Variants in TM9SF4 observed in about 807,000 individuals in gnomAD.
The protein encoded by TM9SF4 is transmembrane 9 superfamily member 4.
Under a neutral mutation model 90.4 loss-of-function variants are expected in TM9SF4, and 26 were observed. The observed-to-expected ratio is 0.29, with a 90% CI of 0.21 to 0.40. The LOEUF (loss-of-function observed/expected upper bound fraction) is 0.40. Ranked by LOEUF, TM9SF4 falls within the 10% of genes least tolerant of loss-of-function variation. The pLI is 1.00. For synonymous variants in TM9SF4, 293 were observed against 315.4 expected (o/e 0.93, Z 0.75); for missense variants, 549 against 834.8 (o/e 0.66, Z 4.22).
At chr20:32,145,011 C>T in intron 6 of TM9SF4, 80 bp from the exon 7 acceptor site, 1 of 1,403,858 alleles carries the variant, frequency 7.1e-7, no homozygotes, top group Non-Finnish European at 1.0e-6. Flanking sequence ...GACAGGCAGC[C>T]TTGAGGGCAG....
At chr20:32,155,967 C>T (rs1356415848) in intron 13 of TM9SF4, among the ~76,000 whole-genome samples, 2 of 152,186 alleles carry the variant, frequency 1.3e-5, no homozygotes, top group Admixed American at 6.5e-5. Context: ...TCCCTTTGAG[C>T]ATTTTCCTCC....
rs954263891 is a variant in TM9SF4, at chr20:32,145,152, A to G, written c.714A>G (p.Gln238=). 5.0e-6 allele frequency: 8 copies of G among 1,614,028 alleles called. No individual in the cohort carries two copies. In the East Asian group the frequency reaches 1.8e-4, roughly 36 times the overall value. Residue 238 remains glutamine, a synonymous_variant, in exon 7 of 18, where the codon CAA becomes CAG. Coordinates refer to ENST00000398022, the MANE Select transcript of TM9SF4 (RefSeq NM_014742.4). The part of the protein sequence containing the change: ...TLPEGTNSSP[Q]EIDPTKENQL... ...CTGAGGGTACCAACTCCTCGCCCCA[A>G]GAAATTGACCCCACCAAGGAGAATC...
Position 32,158,108 on chromosome 20 carries a change from C to T in TM9SF4, c.1505+139C>T, listed in dbSNP as rs17122969. Reference sequence around the variant, plus strand: ...AGTTTATGAAAGCTTAACTTCACTCCAAGATCAAGGTGACCAGGTTGTAGG... The same window carrying T: ...AGTTTATGAAAGCTTAACTTCACTCTAAGATCAAGGTGACCAGGTTGTAGG... On this transcript the variant is annotated intron_variant, in intron 14 of 17. Transcript: ENST00000398022. 3,923 of 1,223,492 alleles carry T rather than the reference C, an allele frequency of 3.2e-3. 104 individuals carry two copies. The African/African-American group carries it at 0.054, about 17-fold the overall frequency. 75.8% of individuals were successfully genotyped at this position (1,223,492 alleles called of 1,614,324 possible).
intron 12 of TM9SF4, among the ~76,000 whole-genome samples, chr20:32,152,592 A>G (rs531367368): frequency 6.6e-6 from 1 of 151,720 alleles, no homozygotes; most frequent in Non-Finnish European, 1.5e-5. Context: ...TGGTCTCCCT[A>G]CAAGATTCTG....
intron 10 of TM9SF4, 77 bp from the exon 11 acceptor site, chr20:32,150,545 G>A: frequency 6.3e-7 from 1 of 1,575,502 alleles, no homozygotes; most frequent in Non-Finnish European, 8.7e-7. Context: ...GTGGGCCTGG[G>A]GCTGGGGCTG....
Position 32,149,623 on chromosome 20 carries a change from C to T in TM9SF4, c.955-11C>T, listed in dbSNP as rs755578551. The T allele has an allele frequency of 6.8e-6, 11 of 1,614,212 alleles. No homozygotes were observed. In the South Asian group the frequency reaches 1.2e-4, roughly 18 times the overall value. Reference sequence around the variant, plus strand: ...TTCAACAACCAGCCTCACTCTGGCCCTTCGCTGCAGGAAGACACCATGGAG... The same window carrying T: ...TTCAACAACCAGCCTCACTCTGGCCTTTCGCTGCAGGAAGACACCATGGAG... On this transcript the variant is annotated splice_polypyrimidine_tract_variant and intron_variant, in intron 9 of 17. Transcript: ENST00000398022.
rs1209730888 is a variant in TM9SF4, at chr20:32,165,469, G to A, written c.*25G>A. On this transcript the variant is annotated 3_prime_UTR_variant, in exon 18 of 18. Transcript: ENST00000398022. ...ATTGGAGTGGACCACGGCCAAGCTT[G>A]CTCCGTCCTCGGACAGGAAGCCACC... The A allele has an allele frequency of 6.2e-7, 1 of 1,611,326 alleles. No homozygotes were observed. Among genetic ancestry groups the A allele is most frequent in the Admixed American group, 1.7e-5 (1 of 59,952 alleles).
In TM9SF4 at chr20:32,159,781, C is replaced by A; in HGVS notation, c.1570-211C>A. On this transcript the variant is annotated intron_variant, in intron 15 of 17. Transcript: ENST00000398022. ...TGCTGAGTTCAGGCTGGGGTCTACC[C>A]AGAGCAGGTCAGTCAACCCCTGGCC... is the stretch of plus-strand genomic sequence containing the variant. 8.2e-6 allele frequency: 5 copies of A among 612,762 alleles called. No individual in the cohort carries two copies. In the South Asian group the frequency reaches 9.9e-5, roughly 12 times the overall value. 38.0% of individuals were successfully genotyped at this position (612,762 alleles called of 1,614,324 possible).
intron 16 of TM9SF4, 199 bp from the exon 17 acceptor site, chr20:32,161,077 C>A (rs1432119506): frequency 7.7e-6 from 4 of 522,028 alleles, no homozygotes; most frequent in Non-Finnish European, 1.4e-5. Context: ...TAAAGTTCAC[C>A]CTTCTTTGTC....
intron 17 of TM9SF4, among the ~76,000 whole-genome samples, chr20:32,162,032 G>A (rs958532323): frequency 1.3e-5 from 2 of 152,196 alleles, no homozygotes; most frequent in African/African-American, 2.4e-5. Context: ...AGAGAGAGAC[G>A]TGGGCAAGAA....
intron 15 of TM9SF4, among the ~76,000 whole-genome samples, chr20:32,158,958 G>A (rs1346961645): frequency 6.6e-6 from 1 of 150,866 alleles, no homozygotes; most frequent in Non-Finnish European, 1.5e-5. Flanking sequence ...CTCCAGCCTG[G>A]GTGACAGAGA....
intron 13 of TM9SF4, among the ~76,000 whole-genome samples, chr20:32,155,543 C>T (rs575002745): frequency 1.3e-5 from 2 of 152,340 alleles, no homozygotes; most frequent in South Asian, 4.1e-4. Context: ...AGCCTGTCCT[C>T]CTCAGTGTCC....
intron 3 of TM9SF4, among the ~76,000 whole-genome samples, chr20:32,137,369 C>T (rs1404317317): frequency 6.6e-6 from 1 of 152,230 alleles, no homozygotes; most frequent in Non-Finnish European, 1.5e-5. Context: ...CCTTTGGCAA[C>T]CCAAGGCTCT....
At chr20:32,110,079 C>G in intron 1 of TM9SF4, 4 of 1,240,184 alleles carry the variant, frequency 3.2e-6, no homozygotes, top group Non-Finnish European at 4.1e-6. Flanking sequence ...CTGTCCTGAC[C>G]CCTCTGAAGA....
At chr20:32,113,590 T>C (rs1426242152) in intron 1 of TM9SF4, among the ~76,000 whole-genome samples, 2 of 124,930 alleles carry the variant, frequency 1.6e-5, no homozygotes, top group Non-Finnish European at 3.5e-5. Flanking sequence ...AAACTTCAGT[T>C]TGGAGAATAA....
intron 8 of TM9SF4, among the ~76,000 whole-genome samples, chr20:32,145,746 C>G (rs1043757623): frequency 6.6e-6 from 1 of 152,096 alleles, no homozygotes; most frequent in Non-Finnish European, 1.5e-5. Flanking sequence ...TGAACAAGCC[C>G]GACCCAGTCT....
intron 3 of TM9SF4, among the ~76,000 whole-genome samples, chr20:32,141,003 G>A (rs112532033): frequency 0.02 from 3,036 of 152,102 alleles, 50 homozygotes; most frequent in Middle Eastern, 0.041. Flanking sequence ...AGATCATGAG[G>A]TCAGGATATC....
In TM9SF4 at chr20:32,150,926, C is replaced by T. The variant is rs1229851314; in HGVS notation, c.1245+51C>T. 3 of 1,599,962 alleles carry T rather than the reference C, an allele frequency of 1.9e-6. No individual in the cohort carries two copies. In the South Asian group the frequency reaches 3.4e-5, roughly 18 times the overall value. ...TTGGTGGGAAGCAGAGAAGCTTCTT[C>T]CTGGGCTCCTCAGGAGAAGGTAGGC... On this transcript the variant is annotated intron_variant, in intron 12 of 17. Transcript: ENST00000398022.
At chr20:32,133,909 T>C (rs2235904) in intron 2 of TM9SF4, among the ~76,000 whole-genome samples, 83,534 of 151,790 alleles carry the variant, frequency 0.55, 24,670 homozygotes, top group East Asian at 0.81. Flanking sequence ...CAGGCTAAAG[T>C]GATCCTTCTG....
Sources: allele counts gnomAD v4.1 joint callset (sites outside exome capture counted in the v4.1 genomes callset), GRCh38; gene constraint gnomAD v4.1.1; transcripts MANE v1.5; gene names NCBI Gene and HGNC (gene_info 2026-07-23, HGNC 2026-07-21).